The following EPS15 variants were observed in gnomAD, a reference collection of about 807,000 sequenced individuals.
EPS15 encodes epidermal growth factor receptor pathway substrate 15.
Under a neutral mutation model 113.8 loss-of-function variants are expected in EPS15, and 72 were observed. That is an observed-to-expected ratio of 0.63 (90% CI 0.52 to 0.77). The LOEUF is 0.77. Among genes scored for constraint, EPS15 ranks in the 30% least tolerant of loss-of-function variants. EPS15 has a pLI of 0.00. For missense variants in EPS15, 1,048 were observed against 1,045.8 expected, an observed-to-expected ratio of 1.00 and a Z score of -0.03; for synonymous variants, 344 against 363.4, an observed-to-expected ratio of 0.95 and a Z score of 0.61.
chr1:51,421,617 G>C (rs1046452090), intron 13 of EPS15, among the ~76,000 whole-genome samples, 169 bp downstream of exon 13: 1 of 152,046 alleles, frequency 6.6e-6, no homozygotes, highest in Non-Finnish European at 1.5e-5. Flanking sequence ...TTGCAGGCCA[G>C]AATTCCAAGC....
intron 1 of EPS15, among the ~76,000 whole-genome samples, chr1:51,500,664 C>T (rs1268121262): frequency 6.6e-6 from 1 of 152,082 alleles, no homozygotes; most frequent in Non-Finnish European, 1.5e-5. Context: ...TAAAGGTGTG[C>T]ACCATCACAC....
At chr1:51,402,379 A>T in intron 18 of EPS15, 56 bp downstream of exon 18, 1 of 912,330 alleles carries the variant, frequency 1.1e-6, no homozygotes, top group Non-Finnish European at 1.7e-6. Flanking sequence ...CTTAGTTTAT[A>T]TATTAAAAAG....
At chr1:51,486,402 G>A (rs1009931989) in intron 1 of EPS15, among the ~76,000 whole-genome samples, 1 of 144,652 alleles carries the variant, frequency 6.9e-6, no homozygotes, top group African/African-American at 2.6e-5. Context: ...TCCAGCCTGG[G>A]CTACAAGAGC....
intron 1 of EPS15, among the ~76,000 whole-genome samples, chr1:51,486,668 T>G (rs1000762317): frequency 1.3e-5 from 2 of 152,150 alleles, no homozygotes; most frequent in African/African-American, 4.8e-5. Context: ...GATATATTTA[T>G]AATTTTCTTT....
chr1:51,410,854 T>A (rs181173855), intron 13 of EPS15, among the ~76,000 whole-genome samples: 14 of 152,376 alleles, frequency 9.2e-5, no homozygotes, highest in African/African-American at 3.4e-4. Flanking sequence ...CTTTAAATGC[T>A]ACTTAAAATG....
chr1:51,424,986 G>A (rs937878418), intron 12 of EPS15, among the ~76,000 whole-genome samples: 7 of 152,146 alleles, frequency 4.6e-5, no homozygotes. Context: ...GACAGGAAAA[G>A]CTATTACCTT....
At chr1:51,517,628 T>G (rs1388724295) in intron 1 of EPS15, among the ~76,000 whole-genome samples, 1 of 152,158 alleles carries the variant, frequency 6.6e-6, no homozygotes, top group African/African-American at 2.4e-5. Flanking sequence ...TCACAGAAAG[T>G]GAATACCTAA....
chr1:51,411,577 A>C (rs1324223328), intron 13 of EPS15, among the ~76,000 whole-genome samples: 1 of 152,252 alleles, frequency 6.6e-6, no homozygotes, highest in Non-Finnish European at 1.5e-5. Context: ...AAATAAGTAC[A>C]TTTTAAATCT....
chr1:51,372,282 C>A (rs1307388389), intron 21 of EPS15: 4 of 499,862 alleles, frequency 8.0e-6, no homozygotes, highest in African/African-American at 2.0e-5. Context: ...GCTGGCAGTG[C>A]AGAAGGCAGT....
In EPS15 at chr1:51,514,081, G is replaced by A. The variant is rs146176925; in HGVS notation, c.33+5118C>T. On this transcript the variant is annotated intron_variant, in intron 1 of 24. Coordinates refer to ENST00000371733, the MANE Select transcript of EPS15 (RefSeq NM_001981.3). ...TTTTTTCTTCCAGGCTTTCTTCTAC[G>A]CATGCTTAACTGGGTTAGATCATTT... 7.1e-3 allele frequency among the ~76,000 whole-genome samples: 1,087 copies of A among 152,042 alleles called. 7 individuals carry two copies. The highest frequency in any genetic ancestry group is 0.025 in the African/African-American group (1,038 of 41,486).
Position 51,447,035 on chromosome 1 carries a change from C to G in EPS15, c.722G>C (p.Gly241Ala), listed in dbSNP as rs1355014982. ...IFLKTDKDMDGFVSGLEVREI... is the reference protein window; with the variant it reads ...IFLKTDKDMDAFVSGLEVREI... ...ACGGACCTCCAATCCAGACACAAAT[C>G]CGTCCATATCTTTATCAGTTTTCAG... Residue 241 changes from glycine (G) to alanine (A), a missense_variant, in exon 10 of 25, where the codon GGA (glycine) becomes GCA (alanine). Physicochemically the swap from Gly to Ala is moderately conservative, Grantham distance 60 (BLOSUM62 0). Coordinates refer to ENST00000371733, the MANE Select transcript of EPS15 (RefSeq NM_001981.3). 1 of 1,613,532 alleles carries G rather than the reference C, an allele frequency of 6.2e-7. No homozygotes were observed. The highest frequency in any genetic ancestry group is 1.3e-5 in the African/African-American group (1 of 74,912).
At chr1:51,402,399 T>TG (rs1648660975) in intron 18 of EPS15, 36 bp downstream of exon 18, 3 of 1,115,518 alleles carry the variant, frequency 2.7e-6, no homozygotes, top group Middle Eastern at 2.8e-4. Flanking sequence ...GTCTTTTTTT[T>TG]GGGTAAATCT....
chr1:51,468,600 T>C (rs1410141813), intron 4 of EPS15, 32 bp from the exon 5 acceptor site: 3 of 1,437,166 alleles, frequency 2.1e-6, no homozygotes, highest in East Asian at 2.3e-5. Flanking sequence ...GTTAAGAGCA[T>C]TCTCCCTCTA....
chr1:51,385,290 C>A (rs1469602190), intron 21 of EPS15, among the ~76,000 whole-genome samples: 3 of 151,888 alleles, frequency 2.0e-5, no homozygotes, highest in Non-Finnish European at 2.9e-5. Context: ...AGAAGATATA[C>A]AAATAGCCAA....
intron 12 of EPS15, among the ~76,000 whole-genome samples, chr1:51,432,211 A>G (rs1651787761): frequency 6.6e-6 from 1 of 152,214 alleles, no homozygotes; most frequent in African/African-American, 2.4e-5. Context: ...AGTGTCCCTT[A>G]GTAAGCTACC....
intron 22 of EPS15, among the ~76,000 whole-genome samples, chr1:51,365,601 G>A (rs1013842502): frequency 2.6e-5 from 4 of 152,202 alleles, no homozygotes; most frequent in Non-Finnish European, 4.4e-5. Flanking sequence ...CAGAGAGGAC[G>A]AAATAAAAAC....
intron 1 of EPS15, among the ~76,000 whole-genome samples, chr1:51,493,205 C>CA (rs1242785967): frequency 6.6e-6 from 1 of 152,136 alleles, no homozygotes; most frequent in Non-Finnish European, 1.5e-5. Flanking sequence ...ACTAAAAATA[C>CA]AAAAAATTAG....
intron 21 of EPS15, among the ~76,000 whole-genome samples, chr1:51,379,496 G>A (rs1430115332): frequency 6.6e-6 from 1 of 151,900 alleles, no homozygotes; most frequent in Non-Finnish European, 1.5e-5. Context: ...TGAAGGGTTC[G>A]AAAAAAACAC....
At position 51,356,512 on chromosome 1, in the gene EPS15, A is replaced by AT. The variant is rs1409496537; in HGVS notation, c.*187dup. ...TTTGTCTGACTGGGTTACGGCTTTTATAAGAAAAAAAAAAAAAGACGAATC... is the reference window on the plus strand; with the variant it reads ...TTTGTCTGACTGGGTTACGGCTTTTATTAAGAAAAAAAAAAAAAGACGAATC... On this transcript the variant is annotated 3_prime_UTR_variant, in exon 25 of 25. Transcript: ENST00000371733. The AT allele has an allele frequency of 1.2e-5, 6 of 507,458 alleles. No homozygotes were observed. The highest frequency in any genetic ancestry group is 1.4e-5 in the Non-Finnish European group (4 of 295,990). 31.4% of individuals were successfully genotyped at this position (507,458 alleles called of 1,614,324 possible).
Sources: gnomAD v4.1 joint callset for allele counts (sites outside exome capture counted in the v4.1 genomes callset) on GRCh38, gnomAD v4.1.1 for gene constraint, MANE v1.5 for transcripts, NCBI Gene and HGNC (gene_info 2026-07-23, HGNC 2026-07-21) for gene names.